The following LRRC72 variants were observed in gnomAD, a reference collection of about 807,000 sequenced individuals.
The protein encoded by LRRC72 is leucine rich repeat containing 72, also known as leucine-rich repeat-containing protein 72.
In LRRC72, 41 loss-of-function variants were observed where a neutral mutation model predicts 35.8. That is an observed-to-expected ratio of 1.15 (90% CI 0.89 to 1.49). The LOEUF (loss-of-function observed/expected upper bound fraction) is 1.49, where lower values mean the gene tolerates loss of function less well. Among genes scored for constraint, LRRC72 ranks in the 40% most tolerant of loss-of-function variants. LRRC72 has a pLI of 0.00. For synonymous variants in LRRC72, 118 were observed against 119.2 expected, an observed-to-expected ratio of 0.99 and a Z score of 0.07; for missense variants, 389 against 330.7, an observed-to-expected ratio of 1.18 and a Z score of -1.37.
chr7:16,561,828 TAA>T (rs1378817487), intron 5 of LRRC72, among the ~76,000 whole-genome samples: 1 of 152,238 alleles, frequency 6.6e-6, no homozygotes, highest in Non-Finnish European at 1.5e-5. Context: ...GTCCTCAGAT[TAA>T]GTTTCTATGA....
rs192834548 is a variant in LRRC72, at chr7:16,557,723, T to C, written c.316+282T>C. On this transcript the variant is annotated intron_variant, in intron 4 of 8. Transcript: ENST00000401542. Reference sequence around the variant, plus strand: ...GGCATGTGGAAGCAAATTTTAACAATAGTTGGGAGCATTGATAAATACAAA... The same window carrying C: ...GGCATGTGGAAGCAAATTTTAACAACAGTTGGGAGCATTGATAAATACAAA... Among the ~76,000 whole-genome samples, 11 of 152,300 alleles carry C rather than the reference T, an allele frequency of 7.2e-5. No individual in the cohort carries two copies. In the East Asian group the frequency reaches 1.5e-3, roughly 21 times the overall value.
At chr7:16,544,905 A>G (rs1345343617) in intron 3 of LRRC72, among the ~76,000 whole-genome samples, 3 of 152,266 alleles carry the variant, frequency 2.0e-5, no homozygotes, top group Non-Finnish European at 4.4e-5. Flanking sequence ...TTATAAATTC[A>G]GTTTACATAA....
Position 16,543,901 on chromosome 7 carries a change from C to T in LRRC72, c.234+6205C>T, listed in dbSNP as rs372363106. Among the ~76,000 whole-genome samples, 23 of 152,242 alleles carry T rather than the reference C, an allele frequency of 1.5e-4. No homozygotes were observed. The East Asian group carries it at 3.5e-3, about 23-fold the overall frequency. ...GACTAAGGCTATCACAACTTCTGCA[C>T]GTGGTGATATGAGAGAAAATTAATG... On this transcript the variant is annotated intron_variant, in intron 3 of 8. Coordinates refer to ENST00000401542, the MANE Select transcript of LRRC72 (RefSeq NM_001195280.2).
intron 3 of LRRC72, among the ~76,000 whole-genome samples, chr7:16,554,987 T>C (rs917652314): frequency 2.0e-5 from 3 of 152,210 alleles, no homozygotes; most frequent in Non-Finnish European, 4.4e-5. Context: ...GTGGCTATTA[T>C]TAAAGCAGGG....
At chr7:16,539,382 CAT>C (rs1464741444) in intron 3 of LRRC72, among the ~76,000 whole-genome samples, 1 of 152,154 alleles carries the variant, frequency 6.6e-6, no homozygotes, top group African/African-American at 2.4e-5. Context: ...GTGTTCAAGA[CAT>C]AACCTGGCTG....
At chr7:16,542,236 C>T (rs1782369944) in intron 3 of LRRC72, among the ~76,000 whole-genome samples, 1 of 152,146 alleles carries the variant, frequency 6.6e-6, no homozygotes, top group Non-Finnish European at 1.5e-5. Context: ...TGCAGATGCA[C>T]CTGCGCTTAG....
intron 3 of LRRC72, among the ~76,000 whole-genome samples, chr7:16,541,859 C>T (rs1308116158): frequency 2.6e-5 from 4 of 152,100 alleles, no homozygotes; most frequent in Non-Finnish European, 4.4e-5. Flanking sequence ...TGCAGTGAGC[C>T]GAGATTGTGC....
intron 3 of LRRC72, among the ~76,000 whole-genome samples, chr7:16,550,774 C>T (rs1782535483): frequency 6.6e-6 from 1 of 152,202 alleles, no homozygotes; most frequent in Non-Finnish European, 1.5e-5. Flanking sequence ...TTCTACCACA[C>T]ACATGCATAC....
intron 7 of LRRC72, among the ~76,000 whole-genome samples, chr7:16,572,367 C>T (rs1298813125): frequency 1.3e-5 from 2 of 152,118 alleles, no homozygotes; most frequent in African/African-American, 4.8e-5. Context: ...AAATTCCAGG[C>T]CAATATCCCT....
At chr7:16,569,452 A>G (rs1782905672) in intron 7 of LRRC72, among the ~76,000 whole-genome samples, 1 of 151,976 alleles carries the variant, frequency 6.6e-6, no homozygotes, top group Non-Finnish European at 1.5e-5. Flanking sequence ...TCCTCAGAAG[A>G]CCTTAGAAGT....
intron 3 of LRRC72, among the ~76,000 whole-genome samples, chr7:16,543,092 T>C (rs76986589): frequency 0.039 from 6,016 of 152,342 alleles, 180 homozygotes; most frequent in Non-Finnish European, 0.065. Context: ...TAAAGTCTTA[T>C]TCAGATCGCA....
rs377378983 is a variant in LRRC72 at position 16,537,715 on chromosome 7, T to A, written c.234+19T>A. The A allele has an allele frequency of 7.9e-7, 1 of 1,260,392 alleles. No individual in the cohort carries two copies. The highest frequency in any genetic ancestry group is 1.1e-6 in the Non-Finnish European group (1 of 910,920). The allele number at this position is 1,260,392 out of a possible 1,614,324, so 78.1% of individuals were successfully genotyped here. The stretch of plus-strand genomic sequence containing the variant: ...TAACAAGGTAGTGTTTTATTTTATC[T>A]TTCAATTACTAAAATTAAACTACTA... On this transcript the variant is annotated intron_variant, in intron 3 of 8. Coordinates refer to ENST00000401542, the MANE Select transcript of LRRC72 (RefSeq NM_001195280.2).
chr7:16,535,872 T>G (rs1393551144), intron 2 of LRRC72, among the ~76,000 whole-genome samples: 2 of 152,156 alleles, frequency 1.3e-5, no homozygotes, highest in African/African-American at 2.4e-5. Context: ...GTTTTCTGGT[T>G]TTTTTGTTTG....
Position 16,566,333 on chromosome 7 carries a change from T to G in LRRC72, c.448T>G (p.Cys150Gly). The G allele has an allele frequency of 6.5e-7, 1 of 1,539,892 alleles. No individual in the cohort carries two copies. The highest frequency in any genetic ancestry group is 8.7e-7 in the Non-Finnish European group (1 of 1,143,374). ...TGCAGGTCTATACCAAAATCCTTTG[T>G]GCCAATATAACCTGTATCGTTTATA... ...KILSLYQNPL[C>G]QYNLYRLYII... Residue 150 changes from cysteine (C) to glycine (G), a missense_variant, in exon 6 of 9, where the codon TGC becomes GGC. Coordinates refer to ENST00000401542, the MANE Select transcript of LRRC72 (RefSeq NM_001195280.2).
At chr7:16,531,229 G>T (rs1782156550) in intron 1 of LRRC72, among the ~76,000 whole-genome samples, 1 of 151,026 alleles carries the variant, frequency 6.6e-6, no homozygotes, top group Non-Finnish European at 1.5e-5. Context: ...ACAAAACCCA[G>T]ATGACAATGT....
At chr7:16,554,223 G>A (rs1186273767) in intron 3 of LRRC72, among the ~76,000 whole-genome samples, 2 of 152,130 alleles carry the variant, frequency 1.3e-5, no homozygotes, top group African/African-American at 2.4e-5. Context: ...CCAGCTACTC[G>A]GGAGGCTGAG....
At chr7:16,553,710 T>C (rs1465467161) in intron 3 of LRRC72, among the ~76,000 whole-genome samples, 2 of 152,114 alleles carry the variant, frequency 1.3e-5, no homozygotes, top group African/African-American at 4.8e-5. Context: ...CCCCATCAAC[T>C]CCAACGAATA....
intron 1 of LRRC72, among the ~76,000 whole-genome samples, chr7:16,529,350 T>A (rs189646688): frequency 6.6e-6 from 1 of 152,332 alleles, no homozygotes; most frequent in East Asian, 1.9e-4. Flanking sequence ...CTGTCGGTTG[T>A]GCCCTGAAAT....
intron 7 of LRRC72, among the ~76,000 whole-genome samples, chr7:16,568,069 A>G (rs1782881268): frequency 2.0e-5 from 3 of 152,184 alleles, no homozygotes; most frequent in South Asian, 4.1e-4. Flanking sequence ...ATTTAATTTC[A>G]TATTTGTAAC....
Sources: gnomAD v4.1 joint callset for allele counts (sites outside exome capture counted in the v4.1 genomes callset) on GRCh38, gnomAD v4.1.1 for gene constraint, MANE v1.5 for transcripts, NCBI Gene and HGNC (gene_info 2026-07-23, HGNC 2026-07-21) for gene names.